Variants in NEDD4 observed in about 807,000 individuals in gnomAD.
NEDD4 encodes the protein E3 ubiquitin-protein ligase NEDD4.
Under a neutral mutation model 144.9 loss-of-function variants are expected in NEDD4, and 99 were observed. The ratio of observed to expected loss-of-function variants is 0.68; its 90% confidence interval spans 0.58 to 0.81. The LOEUF is 0.81. NEDD4 is among the 30% of genes least tolerant of loss of function. The probability of loss-of-function intolerance (pLI) is 0.00; values close to 1 mark genes in which losing one functional copy is unlikely to be tolerated. For synonymous variants in NEDD4, 318 were observed against 350.6 expected, an observed-to-expected ratio of 0.91 and a Z score of 1.04; for missense variants, 985 against 1,065.9, an observed-to-expected ratio of 0.92 and a Z score of 1.06.
At chr15:55,922,796 TAGGG>T (rs2036593115) in intron 5 of NEDD4, among the ~76,000 whole-genome samples, 3 of 152,146 alleles carry the variant, frequency 2.0e-5, no homozygotes. Context: ...AGGAGGGATC[TAGGG>T]AGGGTTTCAA....
In NEDD4 at chr15:55,844,780, T is replaced by C. The variant is rs74519424; in HGVS notation, c.1608+2189A>G. The stretch of plus-strand genomic sequence containing the variant: ...AGGAAGAGGAAAAGGTTAAAGACAG[T>C]GCACGGCTTTCAAGCACCGGTTTTC... On this transcript the variant is annotated intron_variant, in intron 18 of 28. Transcript: ENST00000435532. 9.6e-3 allele frequency among the ~76,000 whole-genome samples: 1,449 copies of C among 151,704 alleles called. 37 individuals carry two copies. The highest frequency in any genetic ancestry group is 0.033 in the African/African-American group (1,362 of 41,382).
At chr15:55,896,722 C>A (rs1338523208) in intron 5 of NEDD4, among the ~76,000 whole-genome samples, 1 of 151,794 alleles carries the variant, frequency 6.6e-6, no homozygotes, top group East Asian at 1.9e-4. Context: ...GCATGGTGGA[C>A]AAATATGCAT....
intron 27 of NEDD4, among the ~76,000 whole-genome samples, chr15:55,831,870 C>G (rs922065202): frequency 2.6e-5 from 4 of 152,120 alleles, no homozygotes; most frequent in African/African-American, 7.2e-5. Context: ...TTAGGTACAT[C>G]CTTTGTAAAA....
At chr15:55,953,863 G>A (rs1041915719) in intron 2 of NEDD4, among the ~76,000 whole-genome samples, 1 of 152,182 alleles carries the variant, frequency 6.6e-6, no homozygotes, top group Non-Finnish European at 1.5e-5. Context: ...TGGGACTACA[G>A]GCGCCTGCCA....
At chr15:55,957,334 A>C (rs984069355) in intron 2 of NEDD4, among the ~76,000 whole-genome samples, 7 of 152,196 alleles carry the variant, frequency 4.6e-5, no homozygotes, top group African/African-American at 1.7e-4. Flanking sequence ...AATGTTGGAT[A>C]GAACATGAAA....
chr15:55,880,211 G>C (rs1351310779), intron 5 of NEDD4, among the ~76,000 whole-genome samples: 3 of 152,144 alleles, frequency 2.0e-5, no homozygotes, highest in Admixed American at 2.0e-4. Context: ...AGAATTGCTT[G>C]AACCCAGGAA....
chr15:55,928,292 G>A (rs1360737524), intron 4 of NEDD4, among the ~76,000 whole-genome samples: 3 of 152,194 alleles, frequency 2.0e-5, no homozygotes, highest in South Asian at 2.1e-4. Flanking sequence ...GATTACAGGC[G>A]TGAGCCATCA....
chr15:55,907,368 A>G (rs937253645), intron 5 of NEDD4, among the ~76,000 whole-genome samples: 10 of 152,150 alleles, frequency 6.6e-5, no homozygotes, highest in Non-Finnish European at 1.3e-4. Context: ...AAGTAATTAA[A>G]TCATATGGGC....
chr15:55,848,426 T>C lies in NEDD4; in HGVS notation c.1488A>G (p.Ile496Met), dbSNP rs2033839321. Residue 496 changes from isoleucine (I) to methionine (M), a missense_variant, in exon 17 of 29, where the codon ATA becomes ATG. Transcript: ENST00000435532. ...GAGGATCTTCCCATTGTGTTCTTTT[T>C]ATATCTGAAGGGAAGAAAAAGAAAA... Reference protein sequence around the residue: ...DGRIFYINHNIKRTQWEDPRL... With the variant: ...DGRIFYINHNMKRTQWEDPRL... The C allele has an allele frequency of 1.2e-6, 2 of 1,614,012 alleles. No individual in the cohort carries two copies.
chr15:55,950,854 C>T (rs1353548349), intron 4 of NEDD4, among the ~76,000 whole-genome samples: 1 of 152,082 alleles, frequency 6.6e-6, no homozygotes, highest in South Asian at 2.1e-4. Flanking sequence ...GGTAGGGTTT[C>T]GATTCTGGCA....
At position 55,874,043 on chromosome 15, in the gene NEDD4, T is replaced by C. The variant is rs1354707136; in HGVS notation, c.292-35A>G. 5.8e-6 allele frequency: 7 copies of C among 1,204,598 alleles called. No individual in the cohort carries two copies. In the African/African-American group the frequency reaches 9.1e-5, roughly 16 times the overall value. 74.6% of individuals were successfully genotyped at this position (1,204,598 alleles called of 1,614,324 possible). Reference sequence around the variant, plus strand: ...AAGGAAGAAAAAATATAATTAGTAATACGCTCAATTCCTTTAGAAGAGTTT... The same window carrying C: ...AAGGAAGAAAAAATATAATTAGTAACACGCTCAATTCCTTTAGAAGAGTTT... On this transcript the variant is annotated intron_variant, in intron 5 of 28. Coordinates refer to ENST00000435532, the MANE Select transcript of NEDD4 (RefSeq NM_006154.4).
chr15:55,939,385 C>T (rs2036954643), intron 4 of NEDD4, among the ~76,000 whole-genome samples: 1 of 152,172 alleles, frequency 6.6e-6, no homozygotes, highest in South Asian at 2.1e-4. Context: ...TCCTGTTCAT[C>T]TTCTGCCATG....
At chr15:55,919,635 G>A (rs1438706683) in intron 5 of NEDD4, among the ~76,000 whole-genome samples, 3 of 152,164 alleles carry the variant, frequency 2.0e-5, no homozygotes, top group Non-Finnish European at 4.4e-5. Context: ...AAGTGTAGAA[G>A]AACTGGAGGG....
chr15:55,964,562 T>A (rs963175037), intron 2 of NEDD4, among the ~76,000 whole-genome samples: 8 of 152,132 alleles, frequency 5.3e-5, no homozygotes, highest in Admixed American at 4.6e-4. Flanking sequence ...GCCTTCCATT[T>A]TCCTGGTTCT....
At chr15:55,916,560 A>G (rs746289497) in intron 5 of NEDD4, 1 of 1,614,136 alleles carries the variant, frequency 6.2e-7, no homozygotes, top group South Asian at 1.1e-5. Context: ...TGTTGGCTGT[A>G]GTGAAATCTG....
intron 4 of NEDD4, among the ~76,000 whole-genome samples, chr15:55,941,740 AC>A (rs1566962040): frequency 6.6e-6 from 1 of 151,838 alleles, no homozygotes; most frequent in Non-Finnish European, 1.5e-5. Flanking sequence ...CTTTTTGTAT[AC>A]TTTTTTTCTT....
Position 55,848,406 on chromosome 15 carries a change from T to C in NEDD4, c.1508A>G (p.Asp503Gly). 2 of 1,614,130 alleles carry C rather than the reference T, an allele frequency of 1.2e-6. No homozygotes were observed. The highest frequency in any genetic ancestry group is 1.7e-6 in the Non-Finnish European group (2 of 1,180,002). ...NHNIKRTQWE[D>G]PRLENVAITG... ...TATTGCTACATTCTCCAACCGAGGA[T>C]CTTCCCATTGTGTTCTTTTTATATC... The change falls in exon 17 of 29, where the codon GAT becomes GGT. Residue 503 changes from aspartate to glycine, a missense_variant. Transcript: ENST00000435532.
At chr15:55,973,813 A>G (rs1451075085) in intron 1 of NEDD4, among the ~76,000 whole-genome samples, 1 of 151,710 alleles carries the variant, frequency 6.6e-6, no homozygotes, top group African/African-American at 2.4e-5. Context: ...ATAAGTACCT[A>G]CATGAAAAAG....
At position 55,828,822 on chromosome 15, in the gene NEDD4, A is replaced by T. The variant is rs1258405053; in HGVS notation, c.*1075T>A. The T allele has an allele frequency of 6.5e-6, 1 of 152,682 alleles. No homozygotes were observed. Among genetic ancestry groups the T allele is most frequent in the East Asian group, 1.9e-4 (1 of 5,204 alleles). 9.5% of individuals were successfully genotyped at this position (152,682 alleles called of 1,614,324 possible). A position where few individuals can be genotyped will look rare whatever the true frequency, so the allele number is the denominator to read the frequency against. ...TAAGAAATAGTAATAAATTTAATAC[A>T]AATTATGCATTATAACAACTCTTTG... On this transcript the variant is annotated 3_prime_UTR_variant, in exon 29 of 29. Coordinates refer to ENST00000435532, the MANE Select transcript of NEDD4 (RefSeq NM_006154.4).
Sources: gnomAD v4.1 joint callset for allele counts (sites outside exome capture counted in the v4.1 genomes callset) on GRCh38, gnomAD v4.1.1 for gene constraint, MANE v1.5 for transcripts, NCBI Gene and HGNC (gene_info 2026-07-23, HGNC 2026-07-21) for gene names.